KALRN: variants seen among roughly 807,000 people sequenced by gnomAD.
KALRN encodes the protein kalirin RhoGEF kinase.
KALRN carries 70 observed loss-of-function variants against 353.7 expected under a neutral mutation model. The observed-to-expected ratio is 0.20, with a 90% CI of 0.16 to 0.24. KALRN has a LOEUF of 0.24. Ranked by LOEUF, KALRN falls within the 10% of genes least tolerant of loss-of-function variation. The pLI is 1.00. For missense variants in KALRN, 2,791 were observed against 3,756.7 expected (o/e 0.74, Z 6.72); for synonymous variants, 1,391 against 1,434.8 (o/e 0.97, Z 0.69).
At chr3:124,660,405 G>T (rs1211229205) in intron 43 of KALRN, among the ~76,000 whole-genome samples, 1 of 151,996 alleles carries the variant, frequency 6.6e-6, no homozygotes, top group Non-Finnish European at 1.5e-5. Flanking sequence ...TTTGAGGCTG[G>T]GTGCAGTCAC....
intron 38 of KALRN, among the ~76,000 whole-genome samples, chr3:124,654,320 C>T (rs555922121): frequency 6.6e-6 from 1 of 152,324 alleles, no homozygotes; most frequent in East Asian, 1.9e-4. Flanking sequence ...TGCTTCCTCC[C>T]CATTGCCCAG....
intron 6 of KALRN, among the ~76,000 whole-genome samples, chr3:124,318,001 TGA>T (rs532960718): frequency 6.6e-6 from 1 of 151,672 alleles, no homozygotes; most frequent in Admixed American, 6.6e-5. Flanking sequence ...TACTCAGAGC[TGA>T]GAGAGAGAGA....
chr3:124,379,781 G>A (rs577353167), intron 10 of KALRN, among the ~76,000 whole-genome samples: 5 of 152,268 alleles, frequency 3.3e-5, no homozygotes, highest in Admixed American at 6.5e-5. Flanking sequence ...TTCTTTGCAG[G>A]TCTGCCCCAG....
At chr3:124,092,120 G>A (rs774134569) in intron 1 of KALRN, among the ~76,000 whole-genome samples, 8 of 152,186 alleles carry the variant, frequency 5.3e-5, no homozygotes, top group Admixed American at 1.3e-4. Context: ...GTCTGTTTGC[G>A]GGGGAAGTGC....
At chr3:124,695,390 AAAG>A (rs1426685946) in intron 53 of KALRN, among the ~76,000 whole-genome samples, 9 of 152,218 alleles carry the variant, frequency 5.9e-5, no homozygotes, top group African/African-American at 1.9e-4. Flanking sequence ...TGTATGGGAA[AAAG>A]AAGAAGACCA....
In KALRN at chr3:124,724,944, T is replaced by A. The variant is rs942882041; in HGVS notation, c.*5474T>A. ...CTAAAATGTGTTCAGATTTAGTTTTTATTCAAATGATCAAGATAACGCATT... is the reference window on the plus strand; with the variant it reads ...CTAAAATGTGTTCAGATTTAGTTTTAATTCAAATGATCAAGATAACGCATT... On this transcript the variant is annotated 3_prime_UTR_variant, in exon 60 of 60. Transcript: ENST00000682506. 2.0e-5 allele frequency: 3 copies of A among 152,232 alleles called. No individual in the cohort carries two copies. Among genetic ancestry groups the A allele is most frequent in the Non-Finnish European group, 4.4e-5 (3 of 68,038 alleles). The allele number at this position is 152,232 out of a possible 1,614,324, so 9.4% of individuals were successfully genotyped here. A position where few individuals can be genotyped will look rare whatever the true frequency, so the allele number is the denominator to read the frequency against.
intron 38 of KALRN, among the ~76,000 whole-genome samples, chr3:124,653,106 T>C (rs2083600366): frequency 6.6e-6 from 1 of 152,162 alleles, no homozygotes. Flanking sequence ...ATCCTTATTC[T>C]CTCCTGCTGT....
At chr3:124,399,520 T>G (rs1396319961) in intron 13 of KALRN, among the ~76,000 whole-genome samples, 1 of 152,200 alleles carries the variant, frequency 6.6e-6, no homozygotes, top group African/African-American at 2.4e-5. Context: ...GTTTGCTGAT[T>G]GGAGTAGAGT....
In KALRN at chr3:124,682,119, C is replaced by G. The variant is rs372083216; in HGVS notation, c.7377+2602C>G. On this transcript the variant is annotated intron_variant, in intron 51 of 59. Coordinates refer to ENST00000682506, the MANE Select transcript of KALRN (RefSeq NM_001388419.1). The stretch of plus-strand genomic sequence containing the variant: ...TTCTCAAGGCATGTGTAAGTAGAAC[C>G]TTATTGCAATGTACACTGCAGAAGA... Among the ~76,000 whole-genome samples the G allele has an allele frequency of 1.6e-4, 24 of 152,170 alleles. No homozygotes were observed. In the South Asian group the frequency reaches 5.0e-3, roughly 32 times the overall value.
At chr3:124,456,552 C>G in intron 22 of KALRN, 58 bp from the exon 23 acceptor site, 1 of 1,225,270 alleles carries the variant, frequency 8.2e-7, no homozygotes, top group South Asian at 1.3e-5. Context: ...CCCTCAACTC[C>G]AGTGAGTTGC....
intron 11 of KALRN, among the ~76,000 whole-genome samples, chr3:124,386,400 G>A (rs2088324781): frequency 6.6e-6 from 1 of 152,188 alleles, no homozygotes; most frequent in Admixed American, 6.5e-5. Context: ...GAGGGCTGCG[G>A]TGGTGCTGGC....
chr3:124,604,510 G>C (rs895892998), intron 34 of KALRN, among the ~76,000 whole-genome samples: 1 of 152,134 alleles, frequency 6.6e-6, no homozygotes, highest in Non-Finnish European at 1.5e-5. Context: ...GAAGGTTGGA[G>C]ATGAGCTCAT....
intron 1 of KALRN, among the ~76,000 whole-genome samples, chr3:124,185,671 A>G (rs968543390): frequency 2.6e-5 from 4 of 152,184 alleles, no homozygotes; most frequent in Admixed American, 6.5e-5. Flanking sequence ...CCTTCAGCTC[A>G]GGCGAACCTG....
chr3:124,139,899 ACT>A (rs1459527411), intron 1 of KALRN, among the ~76,000 whole-genome samples: 1 of 151,970 alleles, frequency 6.6e-6, no homozygotes, highest in Non-Finnish European at 1.5e-5. Flanking sequence ...GATCTCTCTA[ACT>A]CTGCCTTCAC....
intron 9 of KALRN, among the ~76,000 whole-genome samples, chr3:124,345,490 T>C (rs963783340): frequency 6.6e-6 from 1 of 151,974 alleles, no homozygotes; most frequent in African/African-American, 2.4e-5. Context: ...GTAAAGTTCC[T>C]TTCAGTGCTG....
intron 1 of KALRN, among the ~76,000 whole-genome samples, chr3:124,148,088 G>A (rs545781731): frequency 1.3e-5 from 2 of 152,290 alleles, no homozygotes; most frequent in South Asian, 2.1e-4. Context: ...CCACCCAGAT[G>A]TATAGAAGGA....
rs2084671568 is a variant in KALRN, at chr3:124,660,266, C to T, written c.6217-657C>T. 3.9e-5 allele frequency among the ~76,000 whole-genome samples: 6 copies of T among 152,254 alleles called. No homozygotes were observed. The South Asian group carries it at 1.2e-3, about 32-fold the overall frequency. Reference sequence around the variant, plus strand: ...TTTTAAACAATGGCTTAACTTGATTCATCTTATGGAACTAGGAGGCTAAAT... The same window carrying T: ...TTTTAAACAATGGCTTAACTTGATTTATCTTATGGAACTAGGAGGCTAAAT... On this transcript the variant is annotated intron_variant, in intron 43 of 59. Coordinates refer to ENST00000682506, the MANE Select transcript of KALRN (RefSeq NM_001388419.1).
chr3:124,702,807 C>G (rs2062406477), intron 57 of KALRN, among the ~76,000 whole-genome samples: 1 of 152,188 alleles, frequency 6.6e-6, no homozygotes, highest in Non-Finnish European at 1.5e-5. Context: ...CTCTTTCTCT[C>G]TCTTTCTCAC....
At chr3:124,482,569 A>C (rs1464769371) in intron 27 of KALRN, among the ~76,000 whole-genome samples, 1 of 151,822 alleles carries the variant, frequency 6.6e-6, no homozygotes, top group Non-Finnish European at 1.5e-5. Flanking sequence ...TGTTTCACAC[A>C]CTTGCTTCTT....
Sources: gnomAD v4.1 joint callset for allele counts (sites outside exome capture counted in the v4.1 genomes callset) on GRCh38, gnomAD v4.1.1 for gene constraint, MANE v1.5 for transcripts, NCBI Gene and HGNC (gene_info 2026-07-23, HGNC 2026-07-21) for gene names.